Variants in MYH6 observed in about 807,000 individuals in gnomAD.
MYH6 encodes myosin heavy chain 6.
A neutral mutation model predicts 223.2 loss-of-function variants in MYH6; 126 were observed. The ratio of observed to expected loss-of-function variants is 0.56; its 90% CI spans 0.49 to 0.65. MYH6 has a LOEUF of 0.65. Ranked by LOEUF, MYH6 falls within the 30% of genes least tolerant of loss-of-function variation. The probability of loss-of-function intolerance (pLI) is 0.00; values close to 1 mark genes in which losing one functional copy is unlikely to be tolerated. For missense variants in MYH6, 2,040 were observed against 2,536.4 expected (o/e 0.80, Z 4.20); for synonymous variants, 978 against 1,010.2 (o/e 0.97, Z 0.61).
rs1423842560 is a variant in MYH6, at chr14:23,407,815, CG to C, written c.-46-208del. Among the ~76,000 whole-genome samples, 1 of 151,836 alleles carries C rather than the reference CG, an allele frequency of 6.6e-6. No homozygotes were observed. The highest frequency in any genetic ancestry group is 1.5e-5 in the Non-Finnish European group (1 of 67,974). On this transcript the variant is annotated intron_variant, in intron 1 of 38. Coordinates refer to ENST00000405093, the MANE Select transcript of MYH6 (RefSeq NM_002471.4). This position sits in a 1 kb window ranked among gnomAD's most constrained non-coding sequence, Gnocchi z 5.6. ...ACCGAGTCAATATGAGTGCGAGGGA[CG>C]GGGTGTGGAAACAGGGTTAGAAGCA...
chr14:23,405,690 G>C lies in MYH6; in HGVS notation c.282C>G (p.Thr94=), dbSNP rs1891764791. The C allele has an allele frequency of 1.2e-6, 2 of 1,614,062 alleles. No homozygotes were observed. The highest frequency in any genetic ancestry group is 1.7e-6 in the Non-Finnish European group (2 of 1,180,028). The change falls in exon 4 of 39, where the codon ACC becomes ACG. Residue 94 remains threonine (T), a synonymous_variant. Coordinates refer to ENST00000405093, the MANE Select transcript of MYH6 (RefSeq NM_002471.4). The surrounding 1 kb of genome is among the most constrained non-coding windows in gnomAD (Gnocchi z 4.7). The part of the protein sequence containing the change: ...FDKIEDMAML[T]FLHEPAVLFN... ...AAAGCACCGCGGGCTCGTGCAGGAA[G>C]GTCAGCATGGCCATGTCCTCAATCT...
Position 23,393,832 on chromosome 14 carries a change from A to T in MYH6, c.2762T>A (p.Val921Glu). Residue 921 changes from valine (V) to glutamate (E), a missense_variant, in exon 22 of 39, where the codon GTA becomes GAA. This residue lies in a region of MYH6 where 1,203 missense variants were observed against 1,400.2 expected (regional missense o/e 0.86). Coordinates refer to ENST00000405093, the MANE Select transcript of MYH6 (RefSeq NM_002471.4). ...IKNKIQLEAK[V>E]KEMNERLEDE... is the part of the protein sequence containing the mutation. ...CTCCAGCCTCTCATTCATCTCCTTT[A>T]CTTTGGCCTCCAGCTGAATCTTGTT... is the stretch of plus-strand genomic sequence containing the variant. 1 of 1,613,942 alleles carries T rather than the reference A, an allele frequency of 6.2e-7. No homozygotes were observed. The highest frequency in any genetic ancestry group is 1.1e-5 in the South Asian group (1 of 91,066).
Position 23,392,931 on chromosome 14 carries a change from G to A in MYH6, c.3232C>T (p.Leu1078=), listed in dbSNP as rs764820021. ...IMDLENDKLQ[L]EEKLKKKEFD... Reference sequence around the variant, plus strand: ...TCCTACTTCTTAAGCTTTTCTTCCAGCTGCAGTTTATCATTTTCCAGGTCC... The same window carrying A: ...TCCTACTTCTTAAGCTTTTCTTCCAACTGCAGTTTATCATTTTCCAGGTCC... The change falls in exon 24 of 39, where the codon CTG becomes TTG. Residue 1078 remains leucine, a synonymous_variant. Coordinates refer to ENST00000405093, the MANE Select transcript of MYH6 (RefSeq NM_002471.4). 1 of 1,614,068 alleles carries A rather than the reference G, an allele frequency of 6.2e-7. No homozygotes were observed. The highest frequency in any genetic ancestry group is 8.5e-7 in the Non-Finnish European group (1 of 1,180,038).
intron 12 of MYH6, 65 bp downstream of exon 12, chr14:23,402,399 G>GA: frequency 6.2e-7 from 1 of 1,604,404 alleles, no homozygotes; most frequent in Non-Finnish European, 8.5e-7. Flanking sequence ...TCTGGGATCT[G>GA]AGTCCCGCAG....
intron 24 of MYH6, 77 bp from the exon 25 acceptor site, chr14:23,392,729 G>A: frequency 6.9e-7 from 1 of 1,456,508 alleles, no homozygotes; most frequent in South Asian, 1.1e-5. Context: ...CTTGGCCTTA[G>A]TATGCCAGAA....
chr14:23,399,676 G>A (rs1348235479), intron 14 of MYH6: 1 of 194,192 alleles, frequency 5.1e-6, no homozygotes, highest in Non-Finnish European at 1.1e-5. Flanking sequence ...GAGAACTCTG[G>A]TTAAGAATCT....
chr14:23,393,549 T>C lies in MYH6; in HGVS notation c.2929-31A>G, dbSNP rs761057017. 1.9e-6 allele frequency: 3 copies of C among 1,613,800 alleles called. No homozygotes were observed. In the South Asian group the frequency reaches 3.3e-5, roughly 18 times the overall value. ...GACCAAAAACCCATCCCCTTTAGGGTCAAAGATCACCAGCCTGGAGACATC... is the reference window on the plus strand; with the variant it reads ...GACCAAAAACCCATCCCCTTTAGGGCCAAAGATCACCAGCCTGGAGACATC... On this transcript the variant is annotated intron_variant, in intron 22 of 38. Transcript: ENST00000405093.
chr14:23,402,227 G>T (rs528815745), intron 12 of MYH6, among the ~76,000 whole-genome samples: 101 of 152,294 alleles, frequency 6.6e-4, no homozygotes, highest in African/African-American at 2.4e-3. Context: ...GGGGCTGGGG[G>T]AGTCTTGGGC....
At chr14:23,383,404 C>T in intron 36 of MYH6, 84 bp from the exon 37 acceptor site, 1 of 1,121,784 alleles carries the variant, frequency 8.9e-7, no homozygotes, top group Non-Finnish European at 1.3e-6. Flanking sequence ...TTACTCTTCT[C>T]CCCTTGCCTT....
chr14:23,405,108 G>A lies in MYH6; in HGVS notation c.522C>T (p.Ile174=). The change falls in exon 6 of 39, where the codon ATC becomes ATT. Residue 174 remains isoleucine (I), a synonymous_variant. Coordinates refer to ENST00000405093, the MANE Select transcript of MYH6 (RefSeq NM_002471.4). This position sits in a 1 kb window ranked among gnomAD's most constrained non-coding sequence, Gnocchi z 4.7. ...YMLTDRENQS[I]LITGESGAGK... is the part of the protein sequence containing the mutation. ...GGATGGCACTCGCTCACGTGATGAG[G>A]ATGGACTGGTTCTCCCGATCTGGAA... 6.2e-7 allele frequency: 1 copy of A among 1,614,060 alleles called. No individual in the cohort carries two copies. The highest frequency in any genetic ancestry group is 8.5e-7 in the Non-Finnish European group (1 of 1,180,036).
intron 32 of MYH6, 97 bp downstream of exon 32, chr14:23,387,431 AT>A: frequency 6.4e-7 from 1 of 1,570,876 alleles, no homozygotes; most frequent in Non-Finnish European, 8.7e-7. Context: ...TATGGAATGA[AT>A]AGATTTTGTC....
At chr14:23,392,136 G>A (rs1415433518) in intron 25 of MYH6, among the ~76,000 whole-genome samples, 2 of 152,070 alleles carry the variant, frequency 1.3e-5, no homozygotes, top group Non-Finnish European at 2.9e-5. Context: ...GACTCAGCCT[G>A]GGTTAGTGGC....
At chr14:23,384,794 C>A (rs1890970109) in intron 35 of MYH6, 77 bp from the exon 36 acceptor site, 2 of 1,613,480 alleles carry the variant, frequency 1.2e-6, no homozygotes, top group South Asian at 2.2e-5. Flanking sequence ...CTCCTTTCTC[C>A]CATCAGGCCC....
At chr14:23,402,307 A>G (rs1201471630) in intron 12 of MYH6, among the ~76,000 whole-genome samples, 157 bp downstream of exon 12, 1 of 151,014 alleles carries the variant, frequency 6.6e-6, no homozygotes, top group African/African-American at 2.4e-5. Context: ...ATTGTGGTGG[A>G]CTCTCTGTCT....
chr14:23,402,857 G>T (rs1595062982), intron 10 of MYH6, 57 bp from the exon 11 acceptor site: 1 of 1,324,402 alleles, frequency 7.6e-7, no homozygotes, highest in Non-Finnish European at 1.1e-6. Context: ...GCAGGGAAGG[G>T]GCAGGTAGAG....
chr14:23,389,866 TAAAG>T, intron 26 of MYH6, 147 bp from the exon 27 acceptor site: 4 of 1,526,598 alleles, frequency 2.6e-6, no homozygotes, highest in Non-Finnish European at 3.6e-6. Flanking sequence ...AGACTTGAAT[TAAAG>T]AAAGGAGGAA....
Position 23,392,575 on chromosome 14 carries a change from A to C in MYH6, c.3329T>G (p.Leu1110Arg). The change falls in exon 25 of 39, where the codon CTG becomes CGG. Residue 1110 changes from leucine to arginine, a missense_variant. Transcript: ENST00000405093. ...QVLALQLQKK[L>R]KENQARIEEL... ...AAAAAAAGTCACCTGGTTTTCCTTCAGTTTCTTCTGTAGTTGAAGGGCCAG... is the reference window on the plus strand; with the variant it reads ...AAAAAAAGTCACCTGGTTTTCCTTCCGTTTCTTCTGTAGTTGAAGGGCCAG... 3.5e-6 allele frequency: 5 copies of C among 1,427,834 alleles called. No homozygotes were observed. The highest frequency in any genetic ancestry group is 4.7e-6 in the Non-Finnish European group (5 of 1,067,914). The allele number at this position is 1,427,834 out of a possible 1,614,324, so 88.4% of individuals were successfully genotyped here.
In MYH6 at chr14:23,393,823, A is replaced by G. The variant is rs746669440; in HGVS notation, c.2771T>C (p.Met924Thr). 7.4e-6 allele frequency: 12 copies of G among 1,614,154 alleles called. No homozygotes were observed. Among genetic ancestry groups the G allele is most frequent in the Non-Finnish European group, 1.0e-5 (12 of 1,180,046 alleles). The change falls in exon 22 of 39, where the codon ATG becomes ACG. Residue 924 changes from methionine (M) to threonine (T), a missense_variant. Around this residue, in one of 4 missense-constraint regions of MYH6, gnomAD observed 1,203 missense variants for 1,400.2 expected, o/e 0.86. Transcript: ENST00000405093. ...CTCCTCATCCTCCAGCCTCTCATTC[A>G]TCTCCTTTACTTTGGCCTCCAGCTG... ...KIQLEAKVKE[M>T]NERLEDEEEM...
chr14:23,391,269 C>G (rs912299274), intron 25 of MYH6, among the ~76,000 whole-genome samples: 1 of 152,184 alleles, frequency 6.6e-6, no homozygotes, highest in East Asian at 1.9e-4. Flanking sequence ...CTACAAGCAG[C>G]AGAGAGGACC....
Sources: allele counts gnomAD v4.1 joint callset (sites outside exome capture counted in the v4.1 genomes callset), GRCh38; gene constraint gnomAD v4.1.1; regional missense constraint gnomAD v4.1.1; non-coding constraint Gnocchi (gnomAD v3.1); transcripts MANE v1.5; gene names NCBI Gene and HGNC (gene_info 2026-07-23, HGNC 2026-07-21).